SORBS3: variants seen among roughly 807,000 people sequenced by gnomAD.
SORBS3 encodes vinexin.
SORBS3 carries 69 observed loss-of-function variants against 98.0 expected under a neutral mutation model. The ratio of observed to expected loss-of-function variants is 0.70; its 90% CI spans 0.58 to 0.86. The LOEUF (loss-of-function observed/expected upper bound fraction) is 0.86. SORBS3 is among the 40% of genes least tolerant of loss of function. The probability of loss-of-function intolerance (pLI) is 0.00; values close to 1 mark genes in which losing one functional copy is unlikely to be tolerated. For missense variants in SORBS3, 954 were observed against 908.5 expected, an observed-to-expected ratio of 1.05 and a Z score of -0.64; for synonymous variants, 394 against 355.4, an observed-to-expected ratio of 1.11 and a Z score of -1.22.
chr8:22,551,025 C>A (rs561011663), upstream of SORBS3, among the ~76,000 whole-genome samples: 1 of 152,224 alleles, frequency 6.6e-6, no homozygotes, highest in Non-Finnish European at 1.5e-5. The surrounding 1 kb of genome is among the most constrained non-coding windows in gnomAD (Gnocchi z 5.8). Context: ...AGGGCCGGGG[C>A]TCTGGGGACC....
At position 22,564,681 on chromosome 8, in the gene SORBS3, C is replaced by T. The variant is rs1489217439; in HGVS notation, c.816+160C>T. 4.4e-6 allele frequency: 6 copies of T among 1,375,238 alleles called. No individual in the cohort carries two copies. The East Asian group carries it at 1.2e-4, about 28-fold the overall frequency. 85.2% of individuals were successfully genotyped at this position (1,375,238 alleles called of 1,614,324 possible). A position where few individuals can be genotyped will look rare whatever the true frequency, so the allele number is the denominator to read the frequency against. Reference sequence around the variant, plus strand: ...TGCCAGCACTCAGGACAGTGGCTGGCATACAGGAGGCGCTCAGTAAACATG... The same window carrying T: ...TGCCAGCACTCAGGACAGTGGCTGGTATACAGGAGGCGCTCAGTAAACATG... On this transcript the variant is annotated intron_variant, in intron 10 of 20. Transcript: ENST00000240123.
At chr8:22,566,901 A>C in intron 15 of SORBS3, 33 bp downstream of exon 15, 1 of 1,596,394 alleles carries the variant, frequency 6.3e-7, no homozygotes, top group Non-Finnish European at 8.5e-7. Context: ...CCTTCCACCC[A>C]AGGCAATCTC....
intron 3 of SORBS3, among the ~76,000 whole-genome samples, chr8:22,556,438 A>C (rs948721290): frequency 2.6e-5 from 4 of 152,132 alleles, no homozygotes; most frequent in African/African-American, 9.7e-5. Flanking sequence ...CATTCTCTAC[A>C]AGTAATGATT....
chr8:22,547,327 C>CT (rs5890043), upstream of SORBS3, among the ~76,000 whole-genome samples: 70,807 of 146,816 alleles, frequency 0.48, 16,822 homozygotes, highest in East Asian at 0.59. Context: ...ATGGTCTTGC[C>CT]TTTTTTTTTT....
At position 22,571,717 on chromosome 8, in the gene SORBS3, G is replaced by C. The variant is rs775003102; in HGVS notation, c.1744-1G>C. Reference sequence around the variant, plus strand: ...ATCCCTTTCTTCCTGTCAACTCCCAGAATCTTGGCACCCCTGGTCCAGCTC... The same window carrying C: ...ATCCCTTTCTTCCTGTCAACTCCCACAATCTTGGCACCCCTGGTCCAGCTC... On this transcript the variant is annotated splice_acceptor_variant, in intron 18 of 20. Coordinates refer to ENST00000240123, the MANE Select transcript of SORBS3 (RefSeq NM_005775.5). LOFTEE classifies it high-confidence loss of function. 6.2e-7 allele frequency: 1 copy of C among 1,612,744 alleles called. No homozygotes were observed. Among genetic ancestry groups the C allele is most frequent in the Non-Finnish European group, 8.5e-7 (1 of 1,178,882 alleles).
intron 20 of SORBS3, among the ~76,000 whole-genome samples, chr8:22,574,118 G>T (rs1311241509): frequency 6.6e-6 from 1 of 152,196 alleles, no homozygotes; most frequent in African/African-American, 2.4e-5. Context: ...AGAAGTGCTG[G>T]CTTTGGGGAA....
At position 22,553,914 on chromosome 8, in the gene SORBS3, C is replaced by G. The variant is rs75644767; in HGVS notation, c.-55-538C>G. ...GCTGCCTGGAAATGCCCCCGACGCT[C>G]CCCTTGGCCCTATTGGGCTTAAGGC... On this transcript the variant is annotated intron_variant, in intron 1 of 20. Transcript: ENST00000240123. Among the ~76,000 whole-genome samples the G allele has an allele frequency of 2.1e-4, 32 of 152,326 alleles. No homozygotes were observed. In the East Asian group the frequency reaches 6.2e-3, roughly 29 times the overall value.
At chr8:22,561,535 C>T (rs1446634821) in intron 6 of SORBS3, 162 bp downstream of exon 6, 3 of 733,472 alleles carry the variant, frequency 4.1e-6, no homozygotes, top group South Asian at 3.3e-5. Flanking sequence ...TCAAATCCCC[C>T]GGTAGGTGGT....
At position 22,556,711 on chromosome 8, in the gene SORBS3, A is replaced by G; in HGVS notation, c.221-4A>G. 7 of 1,613,592 alleles carry G rather than the reference A, an allele frequency of 4.3e-6. No individual in the cohort carries two copies. Among genetic ancestry groups the G allele is most frequent in the Non-Finnish European group, 5.9e-6 (7 of 1,179,966 alleles). The stretch of plus-strand genomic sequence containing the variant: ...ACTAATGCTCTCCTGCACGCACCCA[A>G]CAGACCCTGCGTGGTATCAGACCTG... On this transcript the variant is annotated splice_polypyrimidine_tract_variant and splice_region_variant and intron_variant, in intron 3 of 20. Transcript: ENST00000240123.
At chr8:22,561,209 T>C (rs1052236925) in intron 5 of SORBS3, 126 bp from the exon 6 acceptor site, 1 of 870,768 alleles carries the variant, frequency 1.1e-6, no homozygotes, top group African/African-American at 1.7e-5. Context: ...GGGACATTCT[T>C]CAGGCCCTGA....
At chr8:22,572,087 G>A (rs1283841432) in intron 19 of SORBS3, among the ~76,000 whole-genome samples, 3 of 152,186 alleles carry the variant, frequency 2.0e-5, no homozygotes, top group African/African-American at 7.2e-5. Flanking sequence ...ATGTATAATT[G>A]AAGTGTGGAA....
rs992308156 is a variant in SORBS3 at position 22,565,783 on chromosome 8, G to A, written c.904-43G>A. 4.8e-5 allele frequency: 63 copies of A among 1,317,288 alleles called. No individual in the cohort carries two copies. In the African/African-American group the frequency reaches 8.3e-4, roughly 17 times the overall value. The allele number at this position is 1,317,288 out of a possible 1,614,324, so 81.6% of individuals were successfully genotyped here. ...AGGCGGCGGCCTCGGCTGCCGCTGG[G>A]TCCCGGGGTCGCGGGCCCTGATTGC... is the stretch of plus-strand genomic sequence containing the variant. On this transcript the variant is annotated intron_variant, in intron 11 of 20. Coordinates refer to ENST00000240123, the MANE Select transcript of SORBS3 (RefSeq NM_005775.5).
At chr8:22,555,877 C>A (rs1470937481) in intron 3 of SORBS3, among the ~76,000 whole-genome samples, 3 of 151,680 alleles carry the variant, frequency 2.0e-5, no homozygotes, top group Admixed American at 6.6e-5. Context: ...AAAACAAAAC[C>A]AAAAAAAACA....
At chr8:22,561,395 T>A (rs761964405) in intron 6 of SORBS3, 22 bp downstream of exon 6, 2 of 1,612,670 alleles carry the variant, frequency 1.2e-6, no homozygotes, top group South Asian at 2.2e-5. Context: ...CGGGCCCACC[T>A]GCCTGCCATA....
chr8:22,565,744 G>C, intron 11 of SORBS3, 82 bp from the exon 12 acceptor site: 1 of 1,275,180 alleles, frequency 7.8e-7, no homozygotes, highest in Non-Finnish European at 9.9e-7. Context: ...CTCCCGAGCC[G>C]CGAACTTTTC....
intron 20 of SORBS3, 57 bp from the exon 21 acceptor site, chr8:22,574,610 C>G: frequency 6.3e-7 from 1 of 1,578,410 alleles, no homozygotes; most frequent in Non-Finnish European, 8.7e-7. Context: ...GCCCTCACCC[C>G]TGCATCCCTG....
intron 6 of SORBS3, 166 bp downstream of exon 6, chr8:22,561,539 A>T (rs758281238): frequency 1.4e-6 from 1 of 720,624 alleles, no homozygotes; most frequent in Non-Finnish European, 2.4e-6. Flanking sequence ...ATCCCCCGGT[A>T]GGTGGTAATT....
Position 22,563,983 on chromosome 8 carries a change from T to A in SORBS3, c.585-4T>A. 1.2e-6 allele frequency: 2 copies of A among 1,612,086 alleles called. No homozygotes were observed. Among genetic ancestry groups the A allele is most frequent in the South Asian group, 2.2e-5 (2 of 91,044 alleles). ...GCTGAAGAGATGTCCTTCCCTTTCT[T>A]TAGAAGAAGCTGGGACCACTCTGAA... On this transcript the variant is annotated splice_polypyrimidine_tract_variant and splice_region_variant and intron_variant, in intron 7 of 20. Coordinates refer to ENST00000240123, the MANE Select transcript of SORBS3 (RefSeq NM_005775.5).
intron 11 of SORBS3, 115 bp downstream of exon 11, chr8:22,565,469 A>C (rs1227352933): frequency 1.2e-6 from 1 of 820,896 alleles, no homozygotes; most frequent in Non-Finnish European, 1.7e-6. Context: ...TCCGGCCTCC[A>C]GCGGCGCGCA....
Sources: gnomAD v4.1 joint callset for allele counts (sites outside exome capture counted in the v4.1 genomes callset) on GRCh38, gnomAD v4.1.1 for gene constraint, Gnocchi (gnomAD v3.1) non-coding constraint, MANE v1.5 for transcripts, NCBI Gene and HGNC (gene_info 2026-07-23, HGNC 2026-07-21) for gene names.